The following PTBP3 variants were observed in gnomAD, a reference collection of about 807,000 sequenced individuals.
PTBP3 encodes the protein polypyrimidine tract-binding protein 3.
A neutral mutation model predicts 58.7 loss-of-function variants in PTBP3; 20 were observed. The ratio of observed to expected loss-of-function variants is 0.34; its 90% CI spans 0.24 to 0.50. PTBP3 has a LOEUF of 0.50. Ranked by LOEUF, PTBP3 falls within the 20% of genes least tolerant of loss-of-function variation. The pLI is 0.98. For missense variants in PTBP3, 509 were observed against 637.2 expected (o/e 0.80, Z 2.17); for synonymous variants, 185 against 219.8 (o/e 0.84, Z 1.40).
Position 112,223,631 on chromosome 9 carries a change from T to A in PTBP3, c.*220A>T. On this transcript the variant is annotated 3_prime_UTR_variant, in exon 14 of 14. Transcript: ENST00000374257. Reference sequence around the variant, plus strand: ...GATTTTCTTTTTCCTGAAGGTTATTTTTGTAGAAACCATGGTAAAAAGGGA... The same window carrying A: ...GATTTTCTTTTTCCTGAAGGTTATTATTGTAGAAACCATGGTAAAAAGGGA... 7.9e-7 allele frequency: 1 copy of A among 1,262,200 alleles called. No homozygotes were observed. Among genetic ancestry groups the A allele is most frequent in the Non-Finnish European group, 1.0e-6 (1 of 998,354 alleles). The allele number at this position is 1,262,200 out of a possible 1,614,324, so 78.2% of individuals were successfully genotyped here. A position where few individuals can be genotyped will look rare whatever the true frequency, so the allele number is the denominator to read the frequency against.
At chr9:112,371,129 T>C in the PTBP3 span, among the ~76,000 whole-genome samples, 29 of 152,332 alleles carry the variant, frequency 1.9e-4, no homozygotes, top group South Asian at 4.6e-3. Context: ...ATCTAATTGT[T>C]CTGGCTATTG....
intron 1 of PTBP3, among the ~76,000 whole-genome samples, chr9:112,307,207 C>T (rs1829257662): frequency 6.6e-6 from 1 of 152,184 alleles, no homozygotes; most frequent in East Asian, 1.9e-4. Flanking sequence ...AATCCCAGCA[C>T]TTTGGGAGGC....
At chr9:112,320,557 G>A (rs1289811433) in intron 1 of PTBP3, among the ~76,000 whole-genome samples, 1 of 150,846 alleles carries the variant, frequency 6.6e-6, no homozygotes, top group African/African-American at 2.4e-5. Flanking sequence ...ATGACAAGCT[G>A]ACTTTAAATT....
intron 1 of PTBP3, among the ~76,000 whole-genome samples, chr9:112,325,390 C>T (rs1246818795): frequency 1.3e-5 from 2 of 152,108 alleles, no homozygotes; most frequent in African/African-American, 2.4e-5. Flanking sequence ...GTGTGGTGGC[C>T]TGGTATTCAA....
chr9:112,308,351 TAAAA>T (rs58071863), intron 1 of PTBP3, among the ~76,000 whole-genome samples: 114,643 of 136,448 alleles, frequency 0.84, 47,616 homozygotes, highest in South Asian at 0.92. Context: ...TCCTTTTATT[TAAAA>T]AAAAAAAAAA....
intron 10 of PTBP3, among the ~76,000 whole-genome samples, 167 bp downstream of exon 10, chr9:112,231,213 T>C (rs1470565941): frequency 6.7e-6 from 1 of 148,656 alleles, no homozygotes; most frequent in Non-Finnish European, 1.5e-5. Flanking sequence ...ATATTTCCCA[T>C]ACTATAAATC....
chr9:112,343,430 C>T, the PTBP3 span, among the ~76,000 whole-genome samples: 6 of 152,090 alleles, frequency 3.9e-5, no homozygotes, highest in South Asian at 2.1e-4. Flanking sequence ...CCACTACAAG[C>T]GTTAGCTCAT....
At chr9:112,237,480 T>A (rs929644835) in intron 7 of PTBP3, among the ~76,000 whole-genome samples, 1 of 152,232 alleles carries the variant, frequency 6.6e-6, no homozygotes, top group Non-Finnish European at 1.5e-5. Flanking sequence ...TTTATCACAG[T>A]GTTATTTGAA....
Position 112,227,993 on chromosome 9 carries a change from C to A in PTBP3, c.1148-366G>T, listed in dbSNP as rs141855084. ...CTTTACAGCTTTTATAACAGTGAAGCCATGAACCCTTTCTTGTATCATCAT... is the reference window on the plus strand; with the variant it reads ...CTTTACAGCTTTTATAACAGTGAAGACATGAACCCTTTCTTGTATCATCAT... On this transcript the variant is annotated intron_variant, in intron 11 of 13. Coordinates refer to ENST00000374257, the MANE Select transcript of PTBP3 (RefSeq NM_001163788.4). Among the ~76,000 whole-genome samples, 704 of 152,184 alleles carry A rather than the reference C, an allele frequency of 4.6e-3. 5 individuals carry two copies. The highest frequency in any genetic ancestry group is 0.016 in the African/African-American group (674 of 41,534).
At chr9:112,269,531 G>A (rs1376868049) in intron 3 of PTBP3, among the ~76,000 whole-genome samples, 1 of 152,110 alleles carries the variant, frequency 6.6e-6, no homozygotes, top group Non-Finnish European at 1.5e-5. Context: ...GCATGATATG[G>A]TAGAAAGGGA....
intron 1 of PTBP3, among the ~76,000 whole-genome samples, chr9:112,299,492 G>A (rs1026768877): frequency 1.3e-5 from 2 of 152,038 alleles, no homozygotes; most frequent in Non-Finnish European, 2.9e-5. Flanking sequence ...TATCCAGCAC[G>A]TACTAAGAAA....
intron 7 of PTBP3, among the ~76,000 whole-genome samples, chr9:112,236,266 G>A (rs1184147166): frequency 1.3e-5 from 2 of 152,168 alleles, no homozygotes; most frequent in African/African-American, 2.4e-5. Flanking sequence ...TTCAAAAAAT[G>A]AGAGTAACTG....
At chr9:112,246,835 T>C (rs12338323) in intron 7 of PTBP3, among the ~76,000 whole-genome samples, 39,990 of 152,056 alleles carry the variant, frequency 0.26, 6,591 homozygotes, top group South Asian at 0.4. Context: ...TAATAAGTGA[T>C]CAAAGCTAAC....
intron 10 of PTBP3, 70 bp from the exon 11 acceptor site, chr9:112,228,542 T>C (rs1440987349): frequency 8.1e-6 from 9 of 1,115,632 alleles, no homozygotes; most frequent in Non-Finnish European, 1.0e-5. Flanking sequence ...TTTACTAATA[T>C]ACTTAAAGAA....
chr9:112,278,546 T>C (rs1419040090), intron 2 of PTBP3, among the ~76,000 whole-genome samples: 1 of 152,176 alleles, frequency 6.6e-6, no homozygotes, highest in African/African-American at 2.4e-5. Context: ...ATTCTATGTT[T>C]GAGAAAATGC....
chr9:112,351,012 T>C, the PTBP3 span, among the ~76,000 whole-genome samples: 1 of 152,166 alleles, frequency 6.6e-6, no homozygotes, highest in African/African-American at 2.4e-5. Flanking sequence ...CTAGAACTCC[T>C]GACCTCAAGT....
chr9:112,332,090 A>G (rs942213237), intron 1 of PTBP3, among the ~76,000 whole-genome samples: 2 of 152,176 alleles, frequency 1.3e-5, no homozygotes, highest in African/African-American at 4.8e-5. Context: ...GTTTTCAACA[A>G]TGTTCTCGAA....
intron 1 of PTBP3, among the ~76,000 whole-genome samples, chr9:112,323,039 G>A (rs1221632967): frequency 6.6e-6 from 1 of 152,210 alleles, no homozygotes; most frequent in African/African-American, 2.4e-5. Flanking sequence ...CTTGAGGCCA[G>A]GCATTCAACA....
At position 112,218,650 on chromosome 9, in the gene PTBP3, A is replaced by T. The variant is rs1183216030; in HGVS notation, c.*5201T>A. ...TATTTTATCTTCTCTTTGCATTTAT[A>T]ACATAATTCACTTCAACAATCACAG... On this transcript the variant is annotated 3_prime_UTR_variant, in exon 14 of 14. Transcript: ENST00000374257. 6.6e-6 allele frequency: 1 copy of T among 152,664 alleles called. No homozygotes were observed. Among genetic ancestry groups the T allele is most frequent in the Non-Finnish European group, 1.5e-5 (1 of 68,044 alleles). The allele number at this position is 152,664 out of a possible 1,614,324, so 9.5% of individuals were successfully genotyped here. A position where few individuals can be genotyped will look rare whatever the true frequency, so the allele number is the denominator to read the frequency against.
Sources: allele counts gnomAD v4.1 joint callset (sites outside exome capture counted in the v4.1 genomes callset), GRCh38; gene constraint gnomAD v4.1.1; transcripts MANE v1.5; gene names NCBI Gene and HGNC (gene_info 2026-07-23, HGNC 2026-07-21).